The following PHACTR4 variants were observed in gnomAD, a reference collection of about 807,000 sequenced individuals.
PHACTR4 encodes the protein protein phosphatase 1, regulatory subunit 124.
In PHACTR4, 51 loss-of-function variants were observed where a neutral mutation model predicts 72.7. That is an observed-to-expected ratio of 0.70 (90% CI 0.56 to 0.89). The LOEUF (loss-of-function observed/expected upper bound fraction) is 0.89, where lower values mean the gene tolerates loss of function less well. PHACTR4 is among the 40% of genes least tolerant of loss of function. The probability of loss-of-function intolerance (pLI) is 0.00; values close to 1 mark genes in which losing one functional copy is unlikely to be tolerated. For synonymous variants in PHACTR4, 255 were observed against 302.5 expected (o/e 0.84, Z 1.63); for missense variants, 731 against 861.8 (o/e 0.85, Z 1.90).
At chr1:28,393,022 A>G (rs966187918) in intron 1 of PHACTR4, among the ~76,000 whole-genome samples, 1 of 152,160 alleles carries the variant, frequency 6.6e-6, no homozygotes, top group Admixed American at 6.6e-5. Flanking sequence ...ATTGAGTGCA[A>G]TTGGATTCAG....
chr1:28,490,394 T>C (rs1030939544), intron 10 of PHACTR4, among the ~76,000 whole-genome samples: 23 of 151,820 alleles, frequency 1.5e-4, no homozygotes, highest in Admixed American at 1.4e-3. Flanking sequence ...TAGCCGGGCA[T>C]GGTGGCGGGC....
At chr1:28,467,607 G>A (rs1277299178) in intron 6 of PHACTR4, among the ~76,000 whole-genome samples, 2 of 152,170 alleles carry the variant, frequency 1.3e-5, no homozygotes, top group Non-Finnish European at 2.9e-5. Context: ...TAGATAAAAG[G>A]ATGATTCTGT....
chr1:28,461,178 G>A (rs184220624), intron 4 of PHACTR4, among the ~76,000 whole-genome samples: 3 of 152,116 alleles, frequency 2.0e-5, no homozygotes, highest in East Asian at 1.9e-4. Flanking sequence ...GGTGGCTCAC[G>A]CCTGTAATCC....
At chr1:28,487,801 G>A (rs1302472911) in intron 9 of PHACTR4, among the ~76,000 whole-genome samples, 4 of 131,446 alleles carry the variant, frequency 3.0e-5, no homozygotes, top group Non-Finnish European at 4.6e-5. Context: ...AGTAGCATGA[G>A]CTTCAGCTCA....
chr1:28,409,053 T>A (rs1261606807), intron 2 of PHACTR4, among the ~76,000 whole-genome samples: 2 of 152,126 alleles, frequency 1.3e-5, no homozygotes, highest in African/African-American at 4.8e-5. Flanking sequence ...AGTCTAGATA[T>A]ACAAAGGTTT....
intron 4 of PHACTR4, among the ~76,000 whole-genome samples, chr1:28,461,092 G>A (rs776424754): frequency 3.9e-5 from 6 of 152,156 alleles, no homozygotes; most frequent in Non-Finnish European, 7.3e-5. Context: ...TACATTGGTT[G>A]CATCTCATTT....
chr1:28,390,743 A>G (rs969717029), intron 1 of PHACTR4, among the ~76,000 whole-genome samples: 1 of 152,096 alleles, frequency 6.6e-6, no homozygotes, highest in African/African-American at 2.4e-5. Context: ...CAGTGAGCCG[A>G]GATCACGCCA....
At chr1:28,400,728 C>T (rs943477786) in intron 1 of PHACTR4, among the ~76,000 whole-genome samples, 13 of 152,018 alleles carry the variant, frequency 8.6e-5, no homozygotes, top group African/African-American at 2.2e-4. Flanking sequence ...TACAGGCGCG[C>T]GCCACCACGC....
Position 28,466,477 on chromosome 1 carries a change from T to C in PHACTR4, c.532T>C (p.Ser178Pro). The C allele has an allele frequency of 1.2e-6, 2 of 1,614,088 alleles. No homozygotes were observed. The highest frequency in any genetic ancestry group is 1.1e-5 in the South Asian group (1 of 91,080). Reference protein sequence around the residue: ...LLPPKRPLSSSHEASEGQAKD... With the variant: ...LLPPKRPLSSPHEASEGQAKD... ...TCCTCCCAAAAGACCCTTGTCCTCT[T>C]CTCATGAAGCAAGTGAAGGGCAAGC... Residue 178 changes from serine (S) to proline (P), a missense_variant, in exon 6 of 14, where the codon TCT (serine) becomes CCT (proline). By Grantham distance (74) the Ser-to-Pro change is moderately conservative (BLOSUM62 -1). Coordinates refer to ENST00000373839, the MANE Select transcript of PHACTR4 (RefSeq NM_001048183.3).
At chr1:28,404,652 CTGTT>C (rs1226328592) in intron 1 of PHACTR4, among the ~76,000 whole-genome samples, 1 of 152,092 alleles carries the variant, frequency 6.6e-6, no homozygotes, top group African/African-American at 2.4e-5. Context: ...CTATGTTTAA[CTGTT>C]TGGGGAACTG....
chr1:28,403,433 G>T (rs1009192210), intron 1 of PHACTR4, among the ~76,000 whole-genome samples: 1 of 152,128 alleles, frequency 6.6e-6, no homozygotes, highest in African/African-American at 2.4e-5. Flanking sequence ...CTCCCTGAAA[G>T]GATTGACAGT....
chr1:28,377,834 A>G (rs1243567652), intron 1 of PHACTR4, among the ~76,000 whole-genome samples: 2 of 151,464 alleles, frequency 1.3e-5, no homozygotes, highest in Non-Finnish European at 2.9e-5. Context: ...ACCATCTCAA[A>G]AAAAAAAAAA....
intron 1 of PHACTR4, among the ~76,000 whole-genome samples, chr1:28,384,840 C>T (rs921591249): frequency 5.9e-5 from 9 of 152,054 alleles, no homozygotes; most frequent in Admixed American, 5.2e-4. Flanking sequence ...TGCAGTTAGC[C>T]AAGACTGCAC....
chr1:28,476,407 C>A, intron 8 of PHACTR4, 116 bp downstream of exon 8: 1 of 1,057,584 alleles, frequency 9.5e-7, no homozygotes, highest in Non-Finnish European at 1.3e-6. Flanking sequence ...ATTAAGTCAT[C>A]TGGCTAACTG....
intron 6 of PHACTR4, 182 bp downstream of exon 6, chr1:28,466,950 C>A (rs559521565): frequency 4.7e-6 from 4 of 843,002 alleles, no homozygotes; most frequent in Non-Finnish European, 7.1e-6. Context: ...TGCGGTGGCT[C>A]ACGCCTGTAA....
intron 2 of PHACTR4, among the ~76,000 whole-genome samples, chr1:28,439,237 C>A (rs1039529626): frequency 6.6e-6 from 1 of 151,922 alleles, no homozygotes; most frequent in Non-Finnish European, 1.5e-5. Flanking sequence ...AGATTTATAC[C>A]TTCACTTTGA....
chr1:28,495,559 T>TA (rs1286022801), intron 13 of PHACTR4, among the ~76,000 whole-genome samples: 1 of 152,102 alleles, frequency 6.6e-6, no homozygotes, highest in Non-Finnish European at 1.5e-5. Flanking sequence ...AGTCTCAAGA[T>TA]ACAAATGAAA....
At chr1:28,458,530 T>C (rs761775074) in intron 2 of PHACTR4, among the ~76,000 whole-genome samples, 1 of 152,180 alleles carries the variant, frequency 6.6e-6, no homozygotes, top group African/African-American at 2.4e-5. Flanking sequence ...TCCAATTTAA[T>C]GTACCCGCTT....
At chr1:28,419,397 A>ATG (rs1655354730) in intron 2 of PHACTR4, among the ~76,000 whole-genome samples, 5 of 147,842 alleles carry the variant, frequency 3.4e-5, no homozygotes, top group Non-Finnish European at 5.9e-5. Context: ...CTTTACACAT[A>ATG]TATATACACA....
Sources: allele counts gnomAD v4.1 joint callset (sites outside exome capture counted in the v4.1 genomes callset), GRCh38; gene constraint gnomAD v4.1.1; transcripts MANE v1.5; gene names NCBI Gene and HGNC (gene_info 2026-07-23, HGNC 2026-07-21).